Variants in RGS6 observed in about 807,000 individuals in gnomAD.
The protein encoded by RGS6 is regulator of G protein signaling 6, also known as regulator of G-protein signaling 6.
Under a neutral mutation model 78.5 loss-of-function variants are expected in RGS6, and 30 were observed. The ratio of observed to expected loss-of-function variants is 0.38; its 90% CI spans 0.29 to 0.52. RGS6 has a LOEUF of 0.52. Ranked by LOEUF, RGS6 falls within the 20% of genes least tolerant of loss-of-function variation. The pLI is 0.85. For synonymous variants in RGS6, 206 were observed against 206.0 expected, an observed-to-expected ratio of 1.00 and a Z score of 0.00; for missense variants, 495 against 609.7, an observed-to-expected ratio of 0.81 and a Z score of 1.98.
intron 2 of RGS6, among the ~76,000 whole-genome samples, chr14:71,969,400 TCTC>T (rs760965437): frequency 6.6e-6 from 1 of 152,164 alleles, no homozygotes; most frequent in Non-Finnish European, 1.5e-5. Context: ...TTGACAAAGT[TCTC>T]CTAACTAGAC....
chr14:72,547,469 G>C, intron 17 of RGS6: 1 of 746,710 alleles, frequency 1.3e-6, no homozygotes, highest in Non-Finnish European at 2.2e-6. Flanking sequence ...AGTGTCCCTG[G>C]TTTGAGTTGA....
intron 3 of RGS6, among the ~76,000 whole-genome samples, chr14:72,438,065 G>A (rs928100598): frequency 2.0e-5 from 3 of 152,274 alleles, no homozygotes; most frequent in African/African-American, 7.2e-5. Flanking sequence ...GAAAAAGGGG[G>A]GTGGAAATAA....
At position 72,459,629 on chromosome 14, in the gene RGS6, C is replaced by T. The variant is rs2095725563; in HGVS notation, c.343-3C>T. 4 of 1,614,032 alleles carry T rather than the reference C, an allele frequency of 2.5e-6. No homozygotes were observed. The highest frequency in any genetic ancestry group is 2.7e-5 in the African/African-American group (2 of 75,046). ...GAGCACTAACACCCATGCTCCTTTG[C>T]AGGCTCCGTACTTCTGGCCTTCGAA... On this transcript the variant is annotated splice_region_variant and splice_polypyrimidine_tract_variant and intron_variant, in intron 5 of 17. Coordinates refer to ENST00000553525, the MANE Select transcript of RGS6 (RefSeq NM_001204424.2).
chr14:72,397,934 G>A (rs1196442750), intron 3 of RGS6, among the ~76,000 whole-genome samples: 1 of 152,146 alleles, frequency 6.6e-6, no homozygotes, highest in African/African-American at 2.4e-5. Context: ...TTTTTGATGT[G>A]CTGCTGGATT....
chr14:71,909,481 CAGAGAG>C, the RGS6 span, among the ~76,000 whole-genome samples: 2 of 147,186 alleles, frequency 1.4e-5, no homozygotes, highest in East Asian at 2.0e-4. Flanking sequence ...TACACCTGCA[CAGAGAG>C]AGAGAGAGAG....
intron 1 of RGS6, among the ~76,000 whole-genome samples, chr14:71,952,515 A>G (rs1201041094): frequency 1.3e-5 from 2 of 151,966 alleles, no homozygotes; most frequent in Admixed American, 6.6e-5. Flanking sequence ...AAGTTAGATC[A>G]TCATTGTAGG....
At chr14:72,602,731 A>T in the RGS6 span, among the ~76,000 whole-genome samples, 1 of 152,358 alleles carries the variant, frequency 6.6e-6, no homozygotes, top group South Asian at 2.1e-4. Context: ...TGGCCTCAAG[A>T]CATAATTAAA....
At chr14:72,505,108 C>A (rs2096783252) in intron 13 of RGS6, among the ~76,000 whole-genome samples, 1 of 151,782 alleles carries the variant, frequency 6.6e-6, no homozygotes, top group Non-Finnish European at 1.5e-5. Flanking sequence ...TATCTCAAGA[C>A]CCTTCCAGCT....
Position 72,053,099 on chromosome 14 carries a change from T to C in RGS6, c.84+88224T>C, listed in dbSNP as rs185188884. 1.3e-3 allele frequency among the ~76,000 whole-genome samples: 78 copies of C among 60,792 alleles called. 1 individual carries two copies. The highest frequency in any genetic ancestry group is 3.6e-3 in the East Asian group (8 of 2,228). 39.9% of individuals were successfully genotyped at this position (60,792 alleles called of 152,430 possible). ...TCCCTCCCTTCCTTCCTTCCTTCCT[T>C]CCTTCCTTCCTTCCTTCCTTCCTTC... On this transcript the variant is annotated intron_variant, in intron 2 of 17. Coordinates refer to ENST00000553525, the MANE Select transcript of RGS6 (RefSeq NM_001204424.2).
At chr14:72,322,155 C>T (rs114221064) in intron 2 of RGS6, among the ~76,000 whole-genome samples, 24 of 151,452 alleles carry the variant, frequency 1.6e-4, no homozygotes, top group Admixed American at 3.9e-4. Flanking sequence ...CTTCTACTCA[C>T]GAAATTAAAT....
At chr14:72,355,226 T>C (rs1205176096) in intron 3 of RGS6, among the ~76,000 whole-genome samples, 1 of 151,534 alleles carries the variant, frequency 6.6e-6, no homozygotes, top group Non-Finnish European at 1.5e-5. Flanking sequence ...AGAGTCTTGC[T>C]CTTGTCACCC....
chr14:72,232,643 C>T (rs1367617340), intron 2 of RGS6, among the ~76,000 whole-genome samples: 1 of 152,052 alleles, frequency 6.6e-6, no homozygotes, highest in Non-Finnish European at 1.5e-5. Flanking sequence ...AATGGAGAGG[C>T]GGATCTGGCT....
chr14:72,073,385 G>C (rs2094472092), intron 2 of RGS6, among the ~76,000 whole-genome samples: 1 of 152,148 alleles, frequency 6.6e-6, no homozygotes, highest in Non-Finnish European at 1.5e-5. Context: ...TCTACATAAA[G>C]ACCAAAACAT....
intron 3 of RGS6, among the ~76,000 whole-genome samples, chr14:72,375,460 G>A (rs115759155): frequency 1.3e-4 from 20 of 152,236 alleles, no homozygotes; most frequent in African/African-American, 4.3e-4. Flanking sequence ...TGGCAGACAC[G>A]TCCCTAGGCT....
chr14:71,997,093 G>A lies in RGS6; in HGVS notation c.84+32218G>A, dbSNP rs546699053. Among the ~76,000 whole-genome samples the A allele has an allele frequency of 3.9e-5, 6 of 152,332 alleles. No individual in the cohort carries two copies. The South Asian group carries it at 1.0e-3, about 26-fold the overall frequency. Reference sequence around the variant, plus strand: ...GCAGCAATCTTGAGAGATGGTGGTGGCAGGACAAATTACTGACACCTGAGA... The same window carrying A: ...GCAGCAATCTTGAGAGATGGTGGTGACAGGACAAATTACTGACACCTGAGA... On this transcript the variant is annotated intron_variant, in intron 2 of 17. Coordinates refer to ENST00000553525, the MANE Select transcript of RGS6 (RefSeq NM_001204424.2).
chr14:72,220,320 A>C (rs975118704), intron 2 of RGS6, among the ~76,000 whole-genome samples: 1 of 152,104 alleles, frequency 6.6e-6, no homozygotes, highest in African/African-American at 2.4e-5. Context: ...CCTGGTTTCC[A>C]GGCCCTCTCA....
intron 3 of RGS6, among the ~76,000 whole-genome samples, chr14:72,396,091 C>A (rs773709792): frequency 6.6e-5 from 10 of 152,126 alleles, no homozygotes; most frequent in Non-Finnish European, 1.5e-4. Flanking sequence ...AGTTCTAGAT[C>A]CCTGAGGAAT....
At chr14:72,331,188 C>T (rs1260501821) in intron 2 of RGS6, among the ~76,000 whole-genome samples, 9 of 150,904 alleles carry the variant, frequency 6.0e-5, no homozygotes. Flanking sequence ...TTTCTCTTAG[C>T]ATCTGCCCTG....
intron 2 of RGS6, among the ~76,000 whole-genome samples, chr14:72,106,940 CT>C (rs770134574): frequency 1.3e-5 from 2 of 151,904 alleles, no homozygotes; most frequent in East Asian, 1.9e-4. Flanking sequence ...TTTTTCTTTT[CT>C]TTTTTTCATC....
Sources: allele counts gnomAD v4.1 joint callset (sites outside exome capture counted in the v4.1 genomes callset), GRCh38; gene constraint gnomAD v4.1.1; transcripts MANE v1.5; gene names NCBI Gene and HGNC (gene_info 2026-07-23, HGNC 2026-07-21).